BSND: variants seen among roughly 807,000 people sequenced by gnomAD.
BSND encodes the protein barttin CLCNK type accessory subunit beta.
Under a neutral mutation model 18.8 loss-of-function variants are expected in BSND, and 13 were observed. The ratio of observed to expected loss-of-function variants is 0.69; its 90% CI spans 0.45 to 1.10. BSND has a LOEUF of 1.10. BSND is among the 50% of genes least tolerant of loss of function. BSND has a pLI of 0.00. For synonymous variants in BSND, 170 were observed against 161.8 expected (o/e 1.05, Z -0.39); for missense variants, 379 against 416.7 (o/e 0.91, Z 0.79).
At chr1:55,003,778 T>G (rs1300328356) in intron 1 of BSND, among the ~76,000 whole-genome samples, 2 of 152,166 alleles carry the variant, frequency 1.3e-5, no homozygotes, top group East Asian at 3.8e-4. Flanking sequence ...GCTGAGGGAT[T>G]CCCTATATAT....
At chr1:55,007,295 T>A in intron 3 of BSND, 23 bp downstream of exon 3, 1 of 1,268,060 alleles carries the variant, frequency 7.9e-7, no homozygotes, top group Non-Finnish European at 1.0e-6. Context: ...AGGGCAGGAG[T>A]GGGGCTTCTG....
chr1:55,002,093 G>A (rs770878977), intron 1 of BSND, among the ~76,000 whole-genome samples: 17 of 152,184 alleles, frequency 1.1e-4, no homozygotes, highest in Admixed American at 4.6e-4. Flanking sequence ...GTCTTGGTGA[G>A]AGCTGACAGT....
chr1:55,017,081 G>A lies in BSND; in HGVS notation c.*8453G>A, dbSNP rs1272733598. ...TTCATTGGACGCTAAGCTCTGTGAA[G>A]GCAAGGACTCTATTACGTTCATTAT... On this transcript the variant is annotated 3_prime_UTR_variant, in exon 4 of 4. Coordinates refer to ENST00000651561, the MANE Select transcript of BSND (RefSeq NM_057176.3). Among the ~76,000 whole-genome samples, 1 of 152,184 alleles carries A rather than the reference G, an allele frequency of 6.6e-6. No individual in the cohort carries two copies. Among genetic ancestry groups the A allele is most frequent in the Non-Finnish European group, 1.5e-5 (1 of 68,044 alleles).
Position 55,009,353 on chromosome 1 carries a change from T to G in BSND, c.*725T>G, listed in dbSNP as rs1254390186. 1 of 153,330 alleles carries G rather than the reference T, an allele frequency of 6.5e-6. No homozygotes were observed. The highest frequency in any genetic ancestry group is 1.5e-5 in the Non-Finnish European group (1 of 68,690). 9.5% of individuals were successfully genotyped at this position (153,330 alleles called of 1,614,324 possible). On this transcript the variant is annotated 3_prime_UTR_variant, in exon 4 of 4. Transcript: ENST00000651561. ...CCTCCTGGAACCAGGTGGTCTTGCCTCTCTGCGCTGCCTTTGGGACCTGTA... is the reference window on the plus strand; with the variant it reads ...CCTCCTGGAACCAGGTGGTCTTGCCGCTCTGCGCTGCCTTTGGGACCTGTA...
intron 1 of BSND, among the ~76,000 whole-genome samples, chr1:55,000,466 G>C (rs1644356037): frequency 6.6e-6 from 1 of 151,150 alleles, no homozygotes; most frequent in South Asian, 2.1e-4. Context: ...GGGGGGGGTG[G>C]GAAAGGGGGT....
At chr1:55,007,306 C>A in intron 3 of BSND, 34 bp downstream of exon 3, 1 of 1,566,220 alleles carries the variant, frequency 6.4e-7, no homozygotes, top group Middle Eastern at 1.7e-4. Flanking sequence ...GGGGCTTCTG[C>A]CCAGTTCAAG....
chr1:55,015,867 A>G lies in BSND; in HGVS notation c.*7239A>G, dbSNP rs1165410633. Among the ~76,000 whole-genome samples, 1 of 152,058 alleles carries G rather than the reference A, an allele frequency of 6.6e-6. No homozygotes were observed. Among genetic ancestry groups the G allele is most frequent in the Non-Finnish European group, 1.5e-5 (1 of 68,014 alleles). On this transcript the variant is annotated 3_prime_UTR_variant, in exon 4 of 4. Coordinates refer to ENST00000651561, the MANE Select transcript of BSND (RefSeq NM_057176.3). ...GTCGGCAGGAGCTTCTCAGAGAGGAACTCCCACCAAGCTATGTCCTGAAGG... is the reference window on the plus strand; with the variant it reads ...GTCGGCAGGAGCTTCTCAGAGAGGAGCTCCCACCAAGCTATGTCCTGAAGG...
chr1:54,999,388 G>C (rs1644350245), intron 1 of BSND, 25 bp downstream of exon 1: 3 of 1,594,374 alleles, frequency 1.9e-6, no homozygotes, highest in Admixed American at 1.7e-5. Flanking sequence ...GGCTGGGTGG[G>C]GCCAGGTCAG....
intron 1 of BSND, among the ~76,000 whole-genome samples, chr1:55,002,556 C>T (rs1442920793): frequency 6.6e-6 from 1 of 152,188 alleles, no homozygotes; most frequent in Non-Finnish European, 1.5e-5. Flanking sequence ...GAGAGTCCTT[C>T]AGGACTCCCC....
rs1553133364 is a variant in BSND, at chr1:55,016,246, C to CAGAGAGAGAGAACT, written c.*7622_*7635dup. On this transcript the variant is annotated 3_prime_UTR_variant, in exon 4 of 4. Transcript: ENST00000651561. Reference sequence around the variant, plus strand: ...AGAGAGACAGATGGAGAGAGAGAGACAGAGAGAGAGAACTAGAAATCAGAC... The same window carrying CAGAGAGAGAGAACT: ...AGAGAGACAGATGGAGAGAGAGAGACAGAGAGAGAGAACTAGAGAGAGAGAACTAGAAATCAGAC... Among the ~76,000 whole-genome samples the CAGAGAGAGAGAACT allele has an allele frequency of 6.6e-6, 1 of 151,832 alleles. No homozygotes were observed. Among genetic ancestry groups the CAGAGAGAGAGAACT allele is most frequent in the Non-Finnish European group, 1.5e-5 (1 of 67,950 alleles).
At chr1:55,002,132 A>G (rs1439862705) in intron 1 of BSND, among the ~76,000 whole-genome samples, 1 of 152,208 alleles carries the variant, frequency 6.6e-6, no homozygotes, top group African/African-American at 2.4e-5. Context: ...ATTCAAACAC[A>G]AAGCTGTAGG....
Position 55,008,280 on chromosome 1 carries a change from C to A in BSND, c.615C>A (p.Ser205=), listed in dbSNP as rs1267435665. ...ASFQDDLDMD[S]SEGSSPNASP... ...TCCAAGATGACCTGGACATGGACTCCAGTGAAGGCAGCAGCCCCAATGCAT... is the reference window on the plus strand; with the variant it reads ...TCCAAGATGACCTGGACATGGACTCAAGTGAAGGCAGCAGCCCCAATGCAT... The change falls in exon 4 of 4, where the codon TCC becomes TCA. Residue 205 remains serine (S), a synonymous_variant. Coordinates refer to ENST00000651561, the MANE Select transcript of BSND (RefSeq NM_057176.3). 6.2e-7 allele frequency: 1 copy of A among 1,614,222 alleles called. No homozygotes were observed. Among genetic ancestry groups the A allele is most frequent in the African/African-American group, 1.3e-5 (1 of 75,066 alleles).
At chr1:55,005,943 A>G (rs986634907) in intron 2 of BSND, among the ~76,000 whole-genome samples, 4 of 151,770 alleles carry the variant, frequency 2.6e-5, no homozygotes, top group Admixed American at 6.5e-5. Flanking sequence ...TCTGGCCACA[A>G]ACTGCTTCCC....
At chr1:55,006,968 C>A in intron 2 of BSND, 29 bp from the exon 3 acceptor site, 1 of 1,613,218 alleles carries the variant, frequency 6.2e-7, no homozygotes. Context: ...TGACTCTTTG[C>A]CGCCTGCCTG....
rs1217048939 is a variant in BSND at position 55,013,583 on chromosome 1, G to A, written c.*4955G>A. ...CTGCAGGGCTTTCTGTTCCTGCCAG[G>A]AATCATCCAGTAGCCCCAGGCCATT... is the stretch of plus-strand genomic sequence containing the variant. On this transcript the variant is annotated 3_prime_UTR_variant, in exon 4 of 4. Coordinates refer to ENST00000651561, the MANE Select transcript of BSND (RefSeq NM_057176.3). Among the ~76,000 whole-genome samples the A allele has an allele frequency of 6.6e-6, 1 of 152,116 alleles. No homozygotes were observed. The highest frequency in any genetic ancestry group is 1.5e-5 in the Non-Finnish European group (1 of 68,006).
Position 55,014,819 on chromosome 1 carries a change from T to C in BSND, c.*6191T>C, listed in dbSNP as rs535052798. ...TTGTTTGTTTTTCTTAAATGAGTTA[T>C]CAAACATTGGATAGCTGGTAGGCAA... is the stretch of plus-strand genomic sequence containing the variant. On this transcript the variant is annotated 3_prime_UTR_variant, in exon 4 of 4. Coordinates refer to ENST00000651561, the MANE Select transcript of BSND (RefSeq NM_057176.3). Among the ~76,000 whole-genome samples, 143 of 152,316 alleles carry C rather than the reference T, an allele frequency of 9.4e-4. No individual in the cohort carries two copies. Among genetic ancestry groups the C allele is most frequent in the African/African-American group, 3.3e-3 (137 of 41,576 alleles).
At position 55,014,927 on chromosome 1, in the gene BSND, T is replaced by G. The variant is rs532769919; in HGVS notation, c.*6299T>G. ...GGTATCTCAGGCAGAGGGCATGGCATAGGCAAAGCCTTGGGGGAAGGAAGG... is the reference window on the plus strand; with the variant it reads ...GGTATCTCAGGCAGAGGGCATGGCAGAGGCAAAGCCTTGGGGGAAGGAAGG... On this transcript the variant is annotated 3_prime_UTR_variant, in exon 4 of 4. Coordinates refer to ENST00000651561, the MANE Select transcript of BSND (RefSeq NM_057176.3). Among the ~76,000 whole-genome samples the G allele has an allele frequency of 6.6e-6, 1 of 152,252 alleles. No individual in the cohort carries two copies. The highest frequency in any genetic ancestry group is 2.4e-5 in the African/African-American group (1 of 41,548).
In BSND at chr1:55,008,589, G is replaced by T. The variant is rs33938617; in HGVS notation, c.924G>T (p.Pro308=). 2.5e-6 allele frequency: 4 copies of T among 1,613,956 alleles called. No homozygotes were observed. Among genetic ancestry groups the T allele is most frequent in the Non-Finnish European group, 2.5e-6 (3 of 1,179,984 alleles). ...CAGATGGAGCCGGGGACCTCCTCCC[G>T]GACAAGGAGCTGGGTTTTGAGCCTG... ...GLPDGAGDLL[P]DKELGFEPDT... The change falls in exon 4 of 4, where the codon CCG becomes CCT. Residue 308 remains proline, a synonymous_variant. Coordinates refer to ENST00000651561, the MANE Select transcript of BSND (RefSeq NM_057176.3).
In BSND at chr1:54,999,049, T is replaced by A; in HGVS notation, c.-138T>A. On this transcript the variant is annotated 5_prime_UTR_variant, in exon 1 of 4. Transcript: ENST00000651561. ...GGGACTGGAGCGGGATTGAAAGGGA[T>A]CTTGCTCTCCCTTGAAGCCTTGAGT... 1 of 1,052,708 alleles carries A rather than the reference T, an allele frequency of 9.5e-7. No individual in the cohort carries two copies. Among genetic ancestry groups the A allele is most frequent in the South Asian group, 1.5e-5 (1 of 68,736 alleles). The allele number at this position is 1,052,708 out of a possible 1,614,324, so 65.2% of individuals were successfully genotyped here.
Sources: gnomAD v4.1 joint callset for allele counts (sites outside exome capture counted in the v4.1 genomes callset) on GRCh38, gnomAD v4.1.1 for gene constraint, MANE v1.5 for transcripts, NCBI Gene and HGNC (gene_info 2026-07-23, HGNC 2026-07-21) for gene names.